PHF21B: variants seen among roughly 807,000 people sequenced by gnomAD.
PHF21B encodes the protein PHD finger protein 4.
A neutral mutation model predicts 62.2 loss-of-function variants in PHF21B; 22 were observed. The observed-to-expected ratio is 0.35, with a 90% CI of 0.25 to 0.51. The LOEUF is 0.51. Ranked by LOEUF, PHF21B falls within the 20% of genes least tolerant of loss-of-function variation. The probability of loss-of-function intolerance (pLI) is 0.97; values close to 1 mark genes in which losing one functional copy is unlikely to be tolerated. For missense variants in PHF21B, 701 were observed against 707.9 expected, an observed-to-expected ratio of 0.99 and a Z score of 0.11; for synonymous variants, 341 against 314.7, an observed-to-expected ratio of 1.08 and a Z score of -0.88.
chr22:44,972,051 G>C (rs2072649069), intron 2 of PHF21B, among the ~76,000 whole-genome samples: 1 of 152,222 alleles, frequency 6.6e-6, no homozygotes, highest in African/African-American at 2.4e-5. Context: ...GAATGCTTTA[G>C]GGTGGGCAAC....
chr22:44,936,600 A>G (rs1056886354), intron 2 of PHF21B, among the ~76,000 whole-genome samples: 1 of 152,240 alleles, frequency 6.6e-6, no homozygotes, highest in Non-Finnish European at 1.5e-5. Flanking sequence ...TTGAAGACTC[A>G]TGAAAAGATA....
intron 2 of PHF21B, among the ~76,000 whole-genome samples, chr22:44,934,495 T>C (rs2071806418): frequency 6.6e-6 from 1 of 152,046 alleles, no homozygotes; most frequent in African/African-American, 2.4e-5. Flanking sequence ...TCTAGAGGTA[T>C]ACCAGGATGG....
At chr22:44,998,835 G>A (rs1056630498) in intron 2 of PHF21B, among the ~76,000 whole-genome samples, 1 of 152,060 alleles carries the variant, frequency 6.6e-6, no homozygotes, top group East Asian at 1.9e-4. Context: ...CGGGAATCAC[G>A]CCCGGTGCGT....
rs1214510284 is a variant in PHF21B, at chr22:45,007,961, C to T, written c.120+584G>A. Among the ~76,000 whole-genome samples, 6 of 151,736 alleles carry T rather than the reference C, an allele frequency of 4.0e-5. No homozygotes were observed. In the East Asian group the frequency reaches 5.9e-4, roughly 15 times the overall value. ...CGCGTGGGAGCTTCTCAGGTGTCCC[C>T]AACTACACCTAACGCCCGGAGCCCA... On this transcript the variant is annotated intron_variant, in intron 2 of 12. Coordinates refer to ENST00000313237, the MANE Select transcript of PHF21B (RefSeq NM_138415.5).
chr22:44,945,272 GCT>G, intron 2 of PHF21B, among the ~76,000 whole-genome samples: 1 of 152,164 alleles, frequency 6.6e-6, no homozygotes, highest in East Asian at 1.9e-4. Context: ...GAACGGACAG[GCT>G]CGCTCTGGGT....
chr22:44,884,868 CACCATCACCATTACT>C (rs1371612242), intron 12 of PHF21B, among the ~76,000 whole-genome samples: 2 of 152,260 alleles, frequency 1.3e-5, no homozygotes, highest in East Asian at 3.9e-4. Flanking sequence ...CCACTATCAT[CACCATCACCATTACT>C]ACCATCACCA....
chr22:44,911,091 T>C (rs761752751), intron 5 of PHF21B, among the ~76,000 whole-genome samples: 17 of 152,324 alleles, frequency 1.1e-4, no homozygotes, highest in Admixed American at 1.3e-4. Flanking sequence ...TAGAGACTTG[T>C]GGAACTTTGA....
chr22:44,893,421 A>G, intron 7 of PHF21B, 36 bp downstream of exon 7: 1 of 1,564,488 alleles, frequency 6.4e-7, no homozygotes, highest in Non-Finnish European at 8.7e-7. Context: ...GGGAGCCCCC[A>G]CCCTCCTGGT....
At chr22:44,955,894 A>G (rs5765102) in intron 2 of PHF21B, among the ~76,000 whole-genome samples, 115,169 of 152,120 alleles carry the variant, frequency 0.76, 44,228 homozygotes, top group East Asian at 0.89. Flanking sequence ...CATGGTCAGC[A>G]CTCAAAGACG....
chr22:44,914,129 G>A lies in PHF21B; in HGVS notation c.565-41C>T, dbSNP rs367799954. 5.1e-5 allele frequency: 31 copies of A among 610,928 alleles called. No homozygotes were observed. In the African/African-American group the frequency reaches 5.9e-4, roughly 12 times the overall value. The allele number at this position is 610,928 out of a possible 1,614,324, so 37.8% of individuals were successfully genotyped here. A position where few individuals can be genotyped will look rare whatever the true frequency, so the allele number is the denominator to read the frequency against. On this transcript the variant is annotated intron_variant, in intron 4 of 12. Transcript: ENST00000313237. ...GAGGGGCACAGGGAGGAAGGGAAGA[G>A]TGAGGGGGGCTGGGGAGGTAGCTGG...
chr22:44,975,173 C>T (rs1014262233), intron 2 of PHF21B, among the ~76,000 whole-genome samples: 3 of 152,188 alleles, frequency 2.0e-5, no homozygotes, highest in Non-Finnish European at 4.4e-5. Flanking sequence ...CTCACCCCTT[C>T]TCCATCAAAC....
chr22:44,979,265 G>A (rs1004054009), intron 2 of PHF21B, among the ~76,000 whole-genome samples: 5 of 152,238 alleles, frequency 3.3e-5, no homozygotes, highest in African/African-American at 9.6e-5. Flanking sequence ...AGCAGCCCTG[G>A]TCCTTTGGTA....
At chr22:44,982,380 C>T (rs2072858926) in intron 2 of PHF21B, among the ~76,000 whole-genome samples, 1 of 152,220 alleles carries the variant, frequency 6.6e-6, no homozygotes, top group African/African-American at 2.4e-5. Flanking sequence ...TTGCCATCAC[C>T]TACGTGCAAC....
At chr22:44,963,265 G>A (rs529479674) in intron 2 of PHF21B, among the ~76,000 whole-genome samples, 26 of 152,298 alleles carry the variant, frequency 1.7e-4, no homozygotes, top group African/African-American at 5.8e-4. Flanking sequence ...CACTGGTGAC[G>A]GAGGGCGACC....
intron 1 of PHF21B, chr22:45,008,858 G>A: frequency 8.5e-7 from 1 of 1,181,524 alleles, no homozygotes; most frequent in Non-Finnish European, 1.0e-6. Context: ...ACCCGGCGGC[G>A]CGCCCCGAGC....
chr22:44,936,673 T>C (rs1016298445), intron 2 of PHF21B, among the ~76,000 whole-genome samples: 1 of 152,212 alleles, frequency 6.6e-6, no homozygotes, highest in Non-Finnish European at 1.5e-5. Context: ...TTGGACATAT[T>C]GGATTACATA....
intron 2 of PHF21B, among the ~76,000 whole-genome samples, chr22:44,984,173 CCAT>C (rs2072900283): frequency 1.3e-5 from 2 of 148,472 alleles, no homozygotes; most frequent in Non-Finnish European, 3.0e-5. Flanking sequence ...ACCATCATCA[CCAT>C]CACAACCACC....
At position 44,941,570 on chromosome 22, in the gene PHF21B, C is replaced by T. The variant is rs539490896; in HGVS notation, c.121-21080G>A. 1.0e-3 allele frequency among the ~76,000 whole-genome samples: 155 copies of T among 152,342 alleles called. 1 individual carries two copies. Among genetic ancestry groups the T allele is most frequent in the African/African-American group, 3.1e-3 (130 of 41,580 alleles). On this transcript the variant is annotated intron_variant, in intron 2 of 12. Coordinates refer to ENST00000313237, the MANE Select transcript of PHF21B (RefSeq NM_138415.5). Reference sequence around the variant, plus strand: ...CAGCTGGATCGCTTTGTTCCTCTGACGTTGTGGTGGGCACAATGCAAAATT... The same window carrying T: ...CAGCTGGATCGCTTTGTTCCTCTGATGTTGTGGTGGGCACAATGCAAAATT...
chr22:45,009,674 AG>A lies in PHF21B; in HGVS notation c.-126del, dbSNP rs1407572671. The A allele has an allele frequency of 2.3e-6, 2 of 869,540 alleles. No homozygotes were observed. Among genetic ancestry groups the A allele is most frequent in the African/African-American group, 1.8e-5 (1 of 54,584 alleles). The allele number at this position is 869,540 out of a possible 1,614,324, so 53.9% of individuals were successfully genotyped here. ...TCCGGGCTGGGTTGGGGGGGACACGAGCCCCCTCCCCCACGGCCGAAAGGGA... is the reference window on the plus strand; with the variant it reads ...TCCGGGCTGGGTTGGGGGGGACACGACCCCCTCCCCCACGGCCGAAAGGGA... On this transcript the variant is annotated 5_prime_UTR_variant, in exon 1 of 13. Coordinates refer to ENST00000313237, the MANE Select transcript of PHF21B (RefSeq NM_138415.5). This position sits in a 1 kb window ranked among gnomAD's most constrained non-coding sequence, Gnocchi z 5.9.
Sources: allele counts gnomAD v4.1 joint callset (sites outside exome capture counted in the v4.1 genomes callset), GRCh38; gene constraint gnomAD v4.1.1; non-coding constraint Gnocchi (gnomAD v3.1); transcripts MANE v1.5; gene names NCBI Gene and HGNC (gene_info 2026-07-23, HGNC 2026-07-21).